The following MAGI2 variants were observed in gnomAD, a reference collection of about 807,000 sequenced individuals.
MAGI2 encodes membrane-associated guanylate kinase, WW and PDZ domain-containing protein 2.
A neutral mutation model predicts 133.3 loss-of-function variants in MAGI2; 35 were observed. The ratio of observed to expected loss-of-function variants is 0.26; its 90% CI spans 0.20 to 0.35. The LOEUF (loss-of-function observed/expected upper bound fraction) is 0.35, where lower values mean the gene tolerates loss of function less well. MAGI2 is among the 10% of genes least tolerant of loss of function. MAGI2 has a pLI of 1.00. For synonymous variants in MAGI2, 729 were observed against 710.6 expected, an observed-to-expected ratio of 1.03 and a Z score of -0.41; for missense variants, 1,636 against 1,863.4, an observed-to-expected ratio of 0.88 and a Z score of 2.25.
intron 9 of MAGI2, among the ~76,000 whole-genome samples, chr7:78,284,293 T>C (rs1212632679): frequency 4.6e-5 from 7 of 152,052 alleles, no homozygotes; most frequent in Non-Finnish European, 8.8e-5. Context: ...CCAATTCTGT[T>C]TAAAAATAGA....
rs370977895 is a variant in MAGI2, at chr7:78,256,467, C to T, written c.1523G>A (p.Arg508His). The change falls in exon 10 of 22, where the codon CGT (arginine) becomes CAT (histidine). Residue 508 changes from arginine (R) to histidine (H), a missense_variant. Coordinates refer to ENST00000354212, the MANE Select transcript of MAGI2 (RefSeq NM_012301.4). ...IGQSVNLVLC[R>H]GYPLPFDPED... The stretch of plus-strand genomic sequence containing the variant: ...AGGATCAAAGGGCAAAGGGTAGCCA[C>T]GACACAACACCAGGTTGACACTCTG... 3.2e-5 allele frequency: 52 copies of T among 1,613,754 alleles called. No individual in the cohort carries two copies. Among genetic ancestry groups the T allele is most frequent in the South Asian group, 2.2e-4 (20 of 91,056 alleles).
intron 21 of MAGI2, among the ~76,000 whole-genome samples, chr7:78,054,642 T>C (rs956064069): frequency 6.7e-6 from 1 of 148,978 alleles, no homozygotes; most frequent in African/African-American, 2.6e-5. Context: ...AGGACCTGAC[T>C]TGCTATTTCA....
intron 2 of MAGI2, among the ~76,000 whole-genome samples, chr7:78,674,283 G>T (rs1442080982): frequency 6.6e-6 from 1 of 150,784 alleles, no homozygotes; most frequent in Non-Finnish European, 1.5e-5. Flanking sequence ...TCATTAATTG[G>T]CTATTTTGGC....
At chr7:78,123,569 C>T (rs1256336586) in intron 20 of MAGI2, among the ~76,000 whole-genome samples, 7 of 152,140 alleles carry the variant, frequency 4.6e-5, no homozygotes, top group African/African-American at 7.2e-5. Flanking sequence ...ATCTGATAAT[C>T]GAGAGGGCTG....
chr7:78,670,183 A>G lies in MAGI2; in HGVS notation c.419-42944T>C, dbSNP rs531891276. ...TATATCTAGAAAACCCCATTGTCTC[A>G]GCCCAAAATCTTCTTAAGCTGATAA... is the stretch of plus-strand genomic sequence containing the variant. On this transcript the variant is annotated intron_variant, in intron 2 of 21. Coordinates refer to ENST00000354212, the MANE Select transcript of MAGI2 (RefSeq NM_012301.4). 5.3e-5 allele frequency among the ~76,000 whole-genome samples: 8 copies of G among 152,158 alleles called. No individual in the cohort carries two copies. The South Asian group carries it at 1.7e-3, about 32-fold the overall frequency.
intron 1 of MAGI2, among the ~76,000 whole-genome samples, chr7:79,092,688 C>T (rs1265498673): frequency 6.6e-6 from 1 of 152,130 alleles, no homozygotes; most frequent in African/African-American, 2.4e-5. Flanking sequence ...AGTACATAAA[C>T]CAATAATTAT....
chr7:78,167,146 G>A (rs1825697161), intron 15 of MAGI2, among the ~76,000 whole-genome samples: 1 of 152,172 alleles, frequency 6.6e-6, no homozygotes, highest in African/African-American at 2.4e-5. Context: ...CAAAGGCTGG[G>A]TGGTTCTGAG....
In MAGI2 at chr7:79,216,112, C is replaced by G. The variant is rs1262666974; in HGVS notation, c.302-208906G>C. On this transcript the variant is annotated intron_variant, in intron 1 of 21. Coordinates refer to ENST00000354212, the MANE Select transcript of MAGI2 (RefSeq NM_012301.4). Reference sequence around the variant, plus strand: ...CCATATAAACCTCAAACCCAAGGCTCCATAAGCAGATGGGCAGGTGAACAG... The same window carrying G: ...CCATATAAACCTCAAACCCAAGGCTGCATAAGCAGATGGGCAGGTGAACAG... 4.0e-5 allele frequency among the ~76,000 whole-genome samples: 6 copies of G among 151,844 alleles called. No individual in the cohort carries two copies. In the East Asian group the frequency reaches 7.8e-4, roughly 20 times the overall value.
chr7:78,344,104 G>A, intron 8 of MAGI2, 144 bp from the exon 9 acceptor site: 2 of 616,574 alleles, frequency 3.2e-6, no homozygotes, highest in Non-Finnish European at 2.8e-6. Context: ...GGTGGTGACT[G>A]CAAGAGGAGC....
intron 2 of MAGI2, among the ~76,000 whole-genome samples, chr7:78,805,075 TAAAAAAATAA>T (rs1357173534): frequency 5.3e-5 from 8 of 149,562 alleles, no homozygotes; most frequent in African/African-American, 1.5e-4. Flanking sequence ...CAAAAAAAAA[TAAAAAAATAA>T]AAAAAAATAA....
intron 4 of MAGI2, among the ~76,000 whole-genome samples, chr7:78,508,474 T>G (rs1458556893): frequency 1.3e-5 from 2 of 152,134 alleles, no homozygotes; most frequent in African/African-American, 4.8e-5. Context: ...TCGGCTTAAA[T>G]TTTTTAAAAA....
intron 20 of MAGI2, among the ~76,000 whole-genome samples, chr7:78,104,737 G>C (rs1315312523): frequency 6.6e-6 from 1 of 152,040 alleles, no homozygotes; most frequent in African/African-American, 2.4e-5. Flanking sequence ...TCAAGAACCA[G>C]TTCTGACTAC....
At chr7:78,565,605 G>T (rs961384798) in intron 3 of MAGI2, among the ~76,000 whole-genome samples, 1 of 151,740 alleles carries the variant, frequency 6.6e-6, no homozygotes, top group Non-Finnish European at 1.5e-5. Flanking sequence ...ATTAAAACAC[G>T]TAAGATTAAA....
chr7:78,481,709 GA>G (rs1182913184), intron 6 of MAGI2, among the ~76,000 whole-genome samples: 3 of 126,282 alleles, frequency 2.4e-5, no homozygotes, highest in East Asian at 3.1e-4. Flanking sequence ...CATCCATAGG[GA>G]AAAAAAAATA....
chr7:79,040,686 G>C (rs1811578990), intron 1 of MAGI2, among the ~76,000 whole-genome samples: 1 of 152,106 alleles, frequency 6.6e-6, no homozygotes, highest in Non-Finnish European at 1.5e-5. Context: ...TAGTGAGTGA[G>C]TTCTCACAAG....
intron 1 of MAGI2, among the ~76,000 whole-genome samples, chr7:79,049,752 T>G (rs888121576): frequency 1.3e-5 from 2 of 152,154 alleles, no homozygotes; most frequent in African/African-American, 4.8e-5. Flanking sequence ...ACATATTTTG[T>G]TTTATATGTC....
intron 6 of MAGI2, among the ~76,000 whole-genome samples, chr7:78,378,998 G>T (rs374741254): frequency 9.2e-5 from 14 of 151,986 alleles, no homozygotes; most frequent in East Asian, 3.9e-4. Flanking sequence ...ATTGAATAAG[G>T]GCCTCATAGA....
intron 21 of MAGI2, among the ~76,000 whole-genome samples, chr7:78,040,508 G>T (rs1193553122): frequency 6.6e-6 from 1 of 152,184 alleles, no homozygotes; most frequent in Non-Finnish European, 1.5e-5. Context: ...ACCTTCCCTG[G>T]GTGGGTAAGG....
At chr7:78,043,995 C>G (rs533518922) in intron 21 of MAGI2, among the ~76,000 whole-genome samples, 16 of 152,310 alleles carry the variant, frequency 1.1e-4, no homozygotes, top group African/African-American at 3.6e-4. Context: ...CAAGCTAATT[C>G]TCTTTACTCC....
Sources: allele counts gnomAD v4.1 joint callset (sites outside exome capture counted in the v4.1 genomes callset), GRCh38; gene constraint gnomAD v4.1.1; transcripts MANE v1.5; gene names NCBI Gene and HGNC (gene_info 2026-07-23, HGNC 2026-07-21).